The following CIMAP1C variants were observed in gnomAD, a reference collection of about 807,000 sequenced individuals.
CIMAP1C encodes outer dense fiber of sperm tails 3 like 1.
the CIMAP1C span, chr15:75,727,185 C>G: frequency 1.2e-6 from 2 of 1,614,156 alleles, no homozygotes; most frequent in Non-Finnish European, 1.7e-6. Flanking sequence ...CTCAACCCGG[C>G]TCCCAACCAG....
At chr15:75,725,182 C>T in the CIMAP1C span, 2 of 1,614,002 alleles carry the variant, frequency 1.2e-6, no homozygotes, top group Non-Finnish European at 1.7e-6. Context: ...GTTCAAGGCA[C>T]CAGCTTATAC....
the CIMAP1C span, chr15:75,725,198 A>C: frequency 1.9e-6 from 3 of 1,613,388 alleles, no homozygotes; most frequent in African/African-American, 4.0e-5. Context: ...TATACCCTGC[A>C]TAGCCGGCAC....
At chr15:75,724,349 C>A in the CIMAP1C span, 12 of 1,456,078 alleles carry the variant, frequency 8.2e-6, no homozygotes, top group South Asian at 1.4e-4. Flanking sequence ...GGCTTGGGCC[C>A]CCTCCCCTCT....
the CIMAP1C span, among the ~76,000 whole-genome samples, chr15:75,724,637 C>T: frequency 1.3e-5 from 2 of 152,210 alleles, no homozygotes; most frequent in Non-Finnish European, 1.5e-5. Context: ...TAATGACTGA[C>T]TAGTGCTCTA....
chr15:75,725,763 G>A, the CIMAP1C span, among the ~76,000 whole-genome samples: 2 of 152,188 alleles, frequency 1.3e-5, no homozygotes, highest in Non-Finnish European at 2.9e-5. Context: ...GGCCTTTGCT[G>A]AATGCCCACA....
chr15:75,726,751 G>A, the CIMAP1C span, among the ~76,000 whole-genome samples: 4 of 152,150 alleles, frequency 2.6e-5, no homozygotes, highest in African/African-American at 7.2e-5. Context: ...GAATAGCTGG[G>A]ATTACAGGTG....
At chr15:75,727,059 G>T in the CIMAP1C span, 2 of 1,611,594 alleles carry the variant, frequency 1.2e-6, no homozygotes, top group Non-Finnish European at 1.7e-6. Flanking sequence ...TCCCTTTCAG[G>T]CCTGAACCCC....
the CIMAP1C span, chr15:75,727,090 C>G: frequency 2.5e-6 from 4 of 1,613,772 alleles, no homozygotes; most frequent in South Asian, 1.1e-5. Context: ...CCTGCCAGTA[C>G]TACTTTGAGA....
chr15:75,724,257 G>A, the CIMAP1C span: 1 of 1,614,060 alleles, frequency 6.2e-7, no homozygotes, highest in Non-Finnish European at 8.5e-7. Context: ...CCCAGAAAAG[G>A]AGCCATTGCC....
chr15:75,726,206 G>C, the CIMAP1C span: 1 of 1,357,490 alleles, frequency 7.4e-7, no homozygotes, highest in Non-Finnish European at 1.0e-6. Flanking sequence ...TTGGGGGTTG[G>C]GAGGTTGGGG....
the CIMAP1C span, chr15:75,727,182 C>T: frequency 6.8e-6 from 11 of 1,614,146 alleles, no homozygotes; most frequent in East Asian, 4.5e-5. Flanking sequence ...GACCTCAACC[C>T]GGCTCCCAAC....
the CIMAP1C span, among the ~76,000 whole-genome samples, chr15:75,725,794 C>T: frequency 9.2e-5 from 14 of 152,336 alleles, no homozygotes; most frequent in East Asian, 1.9e-3. Flanking sequence ...GGCTATTACT[C>T]CCCGTTGGCC....
the CIMAP1C span, chr15:75,726,127 C>T: frequency 6.2e-7 from 1 of 1,613,884 alleles, no homozygotes; most frequent in African/African-American, 1.3e-5. Context: ...TTTGGAATGT[C>T]CAGCTGCCCG....
At chr15:75,727,435 C>T in the CIMAP1C span, 75 of 1,613,930 alleles carry the variant, frequency 4.6e-5, no homozygotes, top group Non-Finnish European at 4.8e-5. Flanking sequence ...CCGGCTCCCA[C>T]GAGGTCCAGC....
At chr15:75,727,121 C>G in the CIMAP1C span, 1 of 1,613,986 alleles carries the variant, frequency 6.2e-7, no homozygotes, top group East Asian at 2.2e-5. Context: ...ACCGGGGGAA[C>G]GCAGGGCTCC....
At chr15:75,725,342 C>T in the CIMAP1C span, 1 of 722,676 alleles carries the variant, frequency 1.4e-6, no homozygotes, top group Admixed American at 2.2e-5. Flanking sequence ...CCCCCTGGGT[C>T]CAGAGGAAGC....
chr15:75,727,400 C>T, the CIMAP1C span: 1 of 1,614,128 alleles, frequency 6.2e-7, no homozygotes, highest in Non-Finnish European at 8.5e-7. Context: ...CGCCTACCCT[C>T]TGGACCTCAC....
chr15:75,727,639 C>T, the CIMAP1C span: 3 of 1,171,130 alleles, frequency 2.6e-6, no homozygotes, highest in Non-Finnish European at 3.6e-6. Context: ...AGAGCCGGTA[C>T]CTGCTGAGTG....
At chr15:75,724,334 C>T in the CIMAP1C span, 2 of 1,566,778 alleles carry the variant, frequency 1.3e-6, no homozygotes, top group East Asian at 2.2e-5. Context: ...GCCATCCCCA[C>T]CCTGGGCTTG....
Sources: gnomAD v4.1 joint callset for allele counts (sites outside exome capture counted in the v4.1 genomes callset) on GRCh38, gnomAD v4.1.1 for gene constraint, MANE v1.5 for transcripts, NCBI Gene and HGNC (gene_info 2026-07-23, HGNC 2026-07-21) for gene names.